Variants in RAPGEF4 observed in about 807,000 individuals in gnomAD.
The protein encoded by RAPGEF4 is Rap guanine nucleotide exchange factor 4, also known as RAP guanine-nucleotide-exchange factor (GEF) 4.
In RAPGEF4, 66 loss-of-function variants were observed where a neutral mutation model predicts 147.9. That is an observed-to-expected ratio of 0.45 (90% CI 0.37 to 0.55). The LOEUF is 0.55. Among genes scored for constraint, RAPGEF4 ranks in the 20% least tolerant of loss-of-function variants. The pLI, the probability that RAPGEF4 is intolerant of heterozygous loss-of-function variation, is 0.00. For synonymous variants in RAPGEF4, 419 were observed against 442.7 expected (o/e 0.95, Z 0.67); for missense variants, 1,071 against 1,257.3 (o/e 0.85, Z 2.24).
intron 6 of RAPGEF4, among the ~76,000 whole-genome samples, chr2:172,954,083 C>T (rs1489639011): frequency 6.6e-6 from 1 of 152,092 alleles, no homozygotes; most frequent in Non-Finnish European, 1.5e-5. Context: ...TTTGGCTCTT[C>T]ATGAGGAGCT....
chr2:172,905,239 G>A (rs1318846762), intron 4 of RAPGEF4, among the ~76,000 whole-genome samples: 1 of 151,916 alleles, frequency 6.6e-6, no homozygotes, highest in Non-Finnish European at 1.5e-5. Context: ...GGCATCTAGC[G>A]TCATTGTGCG....
intron 3 of RAPGEF4, among the ~76,000 whole-genome samples, chr2:172,799,880 C>T (rs1369529298): frequency 1.3e-5 from 2 of 152,102 alleles, no homozygotes; most frequent in African/African-American, 2.4e-5. Flanking sequence ...GAAAGCTGGC[C>T]GAGATTTTGA....
At chr2:172,849,754 C>G (rs935412670) in intron 4 of RAPGEF4, among the ~76,000 whole-genome samples, 4 of 152,212 alleles carry the variant, frequency 2.6e-5, no homozygotes, top group Non-Finnish European at 4.4e-5. Context: ...ACTGTGCGCC[C>G]TTGGGCAAGT....
At chr2:172,963,132 C>G (rs1055383640) in intron 8 of RAPGEF4, among the ~76,000 whole-genome samples, 30 of 152,088 alleles carry the variant, frequency 2.0e-4, no homozygotes, top group Admixed American at 1.8e-3. Flanking sequence ...CTCATGAGAA[C>G]TCACTCACTA....
intron 1 of RAPGEF4, among the ~76,000 whole-genome samples, chr2:172,748,960 A>C (rs974990274): frequency 2.0e-5 from 3 of 152,220 alleles, no homozygotes; most frequent in Non-Finnish European, 4.4e-5. Context: ...TAAGACTCCA[A>C]ATGATCTCTG....
At position 172,816,850 on chromosome 2, in the gene RAPGEF4, A is replaced by T. The variant is rs146613254; in HGVS notation, c.444+2425A>T. Among the ~76,000 whole-genome samples, 5 of 152,316 alleles carry T rather than the reference A, an allele frequency of 3.3e-5. 1 individual carries two copies. Among genetic ancestry groups the T allele is most frequent in the African/African-American group, 1.2e-4 (5 of 41,576 alleles). ...ACTGAAATCTCATAGTGAGTAAGAGATAGTCAGATGTTTCATTATATTTGC... is the reference window on the plus strand; with the variant it reads ...ACTGAAATCTCATAGTGAGTAAGAGTTAGTCAGATGTTTCATTATATTTGC... On this transcript the variant is annotated intron_variant, in intron 4 of 30. Transcript: ENST00000397081.
At chr2:172,902,184 G>A (rs1325196522) in intron 4 of RAPGEF4, among the ~76,000 whole-genome samples, 2 of 152,160 alleles carry the variant, frequency 1.3e-5, no homozygotes, top group African/African-American at 2.4e-5. Flanking sequence ...GCGAGTGGGG[G>A]CTGAGGCTGG....
intron 1 of RAPGEF4, among the ~76,000 whole-genome samples, chr2:172,768,336 C>G (rs1697042277): frequency 1.3e-5 from 2 of 152,036 alleles, no homozygotes; most frequent in African/African-American, 4.8e-5. Flanking sequence ...TACCAAAAAA[C>G]CTTAATTTTG....
intron 3 of RAPGEF4, among the ~76,000 whole-genome samples, chr2:172,799,147 A>T (rs1686708093): frequency 1.3e-5 from 2 of 152,264 alleles, no homozygotes. Flanking sequence ...TCCATATGTG[A>T]TTTATCCAGT....
At chr2:172,877,854 C>A (rs143447018) in intron 4 of RAPGEF4, among the ~76,000 whole-genome samples, 339 of 152,272 alleles carry the variant, frequency 2.2e-3, no homozygotes, top group South Asian at 0.016. Context: ...ACTCTCCTAG[C>A]TATTGGAAAG....
chr2:172,882,127 A>C (rs926490361), intron 4 of RAPGEF4, among the ~76,000 whole-genome samples: 22 of 152,236 alleles, frequency 1.4e-4, no homozygotes, highest in African/African-American at 5.3e-4. Flanking sequence ...ACTTTTTCAA[A>C]TTAAATTATT....
chr2:172,904,971 C>T (rs1447131680), intron 4 of RAPGEF4, among the ~76,000 whole-genome samples: 1 of 151,904 alleles, frequency 6.6e-6, no homozygotes, highest in Non-Finnish European at 1.5e-5. Context: ...CAAGGCCTTC[C>T]CTGTCCTGGC....
At chr2:172,889,065 T>C (rs1360739210) in intron 4 of RAPGEF4, among the ~76,000 whole-genome samples, 2 of 152,232 alleles carry the variant, frequency 1.3e-5, no homozygotes, top group Non-Finnish European at 2.9e-5. Flanking sequence ...ATTTCTGAGA[T>C]TGATAGGCAG....
intron 1 of RAPGEF4, among the ~76,000 whole-genome samples, chr2:172,744,828 G>C (rs1487151279): frequency 6.6e-6 from 1 of 151,366 alleles, no homozygotes; most frequent in Non-Finnish European, 1.5e-5. Flanking sequence ...TTTTTTTTTA[G>C]CAAATTCCCT....
chr2:172,969,869 G>A (rs1196436949), intron 10 of RAPGEF4, among the ~76,000 whole-genome samples: 1 of 152,170 alleles, frequency 6.6e-6, no homozygotes, highest in Non-Finnish European at 1.5e-5. Flanking sequence ...TGAATCGCAT[G>A]ATCCCTGGCA....
intron 4 of RAPGEF4, among the ~76,000 whole-genome samples, chr2:172,826,566 G>T (rs1204323856): frequency 6.6e-6 from 1 of 152,186 alleles, no homozygotes; most frequent in Non-Finnish European, 1.5e-5. Flanking sequence ...ACTTAAAAAT[G>T]GGATAAGATA....
At chr2:172,792,913 C>A (rs1685971120) in intron 1 of RAPGEF4, among the ~76,000 whole-genome samples, 1 of 152,148 alleles carries the variant, frequency 6.6e-6, no homozygotes, top group African/African-American at 2.4e-5. Context: ...AAAACACATG[C>A]CTCCTGTCTT....
At chr2:172,909,288 G>A (rs1699892423) in intron 4 of RAPGEF4, among the ~76,000 whole-genome samples, 1 of 152,200 alleles carries the variant, frequency 6.6e-6, no homozygotes, top group Non-Finnish European at 1.5e-5. Context: ...GAGTTTTGGA[G>A]TAACACTAGA....
intron 1 of RAPGEF4, among the ~76,000 whole-genome samples, chr2:172,781,711 G>A (rs765326904): frequency 4.6e-5 from 7 of 152,096 alleles, no homozygotes; most frequent in Admixed American, 1.3e-4. Flanking sequence ...ATAAAATGGT[G>A]TAGTATTTGT....
Sources: gnomAD v4.1 joint callset for allele counts (sites outside exome capture counted in the v4.1 genomes callset) on GRCh38, gnomAD v4.1.1 for gene constraint, MANE v1.5 for transcripts, NCBI Gene and HGNC (gene_info 2026-07-23, HGNC 2026-07-21) for gene names.